CD99L2: variants seen among roughly 807,000 people sequenced by gnomAD.
CD99L2 encodes the protein CD99 antigen-like protein 2.
A neutral mutation model predicts 27.3 loss-of-function variants in CD99L2; 24 were observed. The ratio of observed to expected loss-of-function variants is 0.88; its 90% confidence interval spans 0.64 to 1.24. The LOEUF (loss-of-function observed/expected upper bound fraction) is 1.24. Among genes scored for constraint, CD99L2 ranks in the 50% most tolerant of loss-of-function variants. The probability of loss-of-function intolerance (pLI) is 0.00; values close to 1 mark genes in which losing one functional copy is unlikely to be tolerated. For synonymous variants in CD99L2, 97 were observed against 87.9 expected (o/e 1.10, Z -0.58); for missense variants, 255 against 221.6 (o/e 1.15, Z -0.96).
At chrX:150,867,438 T>G (rs1375857895) in intron 1 of CD99L2, among the ~76,000 whole-genome samples, 1 of 111,196 alleles carries the variant, frequency 9.0e-6, no homozygotes, top group Non-Finnish European at 1.9e-5. Context: ...TACATATTCA[T>G]GAGGCATATA....
At chrX:150,829,264 A>C (rs2124231010) in intron 2 of CD99L2, 1 of 246,931 alleles carries the variant, frequency 4.0e-6, no homozygotes, top group East Asian at 1.1e-4. Context: ...GGATCTCTGC[A>C]GATGTAATTA....
intron 1 of CD99L2, among the ~76,000 whole-genome samples, chrX:150,858,062 A>C (rs189893600): frequency 8.9e-6 from 1 of 112,602 alleles, no homozygotes; most frequent in Non-Finnish European, 1.9e-5. Flanking sequence ...AGGTAAACTT[A>C]TATCAGTTAA....
Position 150,802,786 on chromosome X carries a change from T to C in CD99L2, c.278-7300A>G, listed in dbSNP as rs781940872. On this transcript the variant is annotated intron_variant, in intron 4 of 10. Transcript: ENST00000370377. ...TTAGTAGAGACGGGGTTTCACCGTG[T>C]TAGCCAGGATGGTGTCGATCTCCTG... Among the ~76,000 whole-genome samples, 8 of 104,292 alleles carry C rather than the reference T, an allele frequency of 7.7e-5. No individual in the cohort carries two copies. In the East Asian group the frequency reaches 2.5e-3, roughly 32 times the overall value. 90.6% of individuals were successfully genotyped at this position (104,292 alleles called of 115,157 possible). A position where few individuals can be genotyped will look rare whatever the true frequency, so the allele number is the denominator to read the frequency against.
intron 7 of CD99L2, among the ~76,000 whole-genome samples, chrX:150,790,046 T>A (rs1243701625): frequency 9.0e-6 from 1 of 111,320 alleles, no homozygotes; most frequent in African/African-American, 3.3e-5. Context: ...TGAAAAAACA[T>A]GAAAAAACTT....
intron 7 of CD99L2, among the ~76,000 whole-genome samples, chrX:150,788,193 A>T (rs1171016164): frequency 9.0e-6 from 1 of 110,854 alleles, no homozygotes; most frequent in Non-Finnish European, 1.9e-5. Context: ...AAGCTAATCC[A>T]ACACGATCAA....
chrX:150,776,420 GGA>G, intron 8 of CD99L2, 127 bp from the exon 9 acceptor site: 1 of 771,308 alleles, frequency 1.3e-6, no homozygotes, highest in East Asian at 3.6e-5. Context: ...CAAGCCAGCA[GGA>G]GAGGGCCATG....
chrX:150,847,656 A>G (rs2046722620), intron 1 of CD99L2, among the ~76,000 whole-genome samples: 1 of 109,866 alleles, frequency 9.1e-6, no homozygotes, highest in African/African-American at 3.3e-5. Context: ...GCTCCCACTC[A>G]GAATCCACAA....
intron 8 of CD99L2, among the ~76,000 whole-genome samples, chrX:150,776,539 G>A (rs936548058): frequency 1.8e-5 from 2 of 111,869 alleles, no homozygotes; most frequent in Admixed American, 9.4e-5. Flanking sequence ...AGGGAGACAC[G>A]GAAATGGTGC....
At chrX:150,822,995 T>C (rs1394094022) in intron 2 of CD99L2, among the ~76,000 whole-genome samples, 1 of 111,345 alleles carries the variant, frequency 9.0e-6, no homozygotes, top group Non-Finnish European at 1.9e-5. Flanking sequence ...TCTCACAAGA[T>C]TGGATGGTTT....
intron 9 of CD99L2, 60 bp downstream of exon 9, chrX:150,776,114 C>T (rs1426430659): frequency 8.4e-7 from 1 of 1,187,234 alleles, no homozygotes; most frequent in East Asian, 3.0e-5. Flanking sequence ...TGTCCTGGCC[C>T]CTTTCCCTCC....
rs1235134048 is a variant in CD99L2, at chrX:150,809,383, C to T, written c.277+5479G>A. Among the ~76,000 whole-genome samples, 3 of 112,185 alleles carry T rather than the reference C, an allele frequency of 2.7e-5. No homozygotes were observed. The East Asian group carries it at 8.4e-4, about 31-fold the overall frequency. On this transcript the variant is annotated intron_variant, in intron 4 of 10. Transcript: ENST00000370377. ...AGGACCCAGCTACGTAGGACCCATA[C>T]TCCTGACCCAGGGAAATTATAAGAG...
chrX:150,826,636 A>G (rs782655430), intron 2 of CD99L2, among the ~76,000 whole-genome samples: 63 of 112,144 alleles, frequency 5.6e-4, no homozygotes, highest in Non-Finnish European at 1.1e-3. Flanking sequence ...TAAAGGATAC[A>G]ATGTTTCTTT....
chrX:150,886,299 C>T (rs895834096), intron 1 of CD99L2, among the ~76,000 whole-genome samples: 12 of 112,310 alleles, frequency 1.1e-4, no homozygotes, highest in South Asian at 3.7e-4. Context: ...GCTGCATATA[C>T]GATGGTGGTA....
chrX:150,884,801 CT>C (rs782175871), intron 1 of CD99L2, among the ~76,000 whole-genome samples: 1 of 112,303 alleles, frequency 8.9e-6, no homozygotes, highest in Non-Finnish European at 1.9e-5. Context: ...CCTAGAGAAA[CT>C]TTTGCACATC....
chrX:150,889,007 G>A (rs945821234), intron 1 of CD99L2, among the ~76,000 whole-genome samples: 11 of 112,725 alleles, frequency 9.8e-5, no homozygotes, highest in African/African-American at 3.5e-4. Flanking sequence ...AGCAATAGGC[G>A]ACAGCAACGG....
intron 1 of CD99L2, among the ~76,000 whole-genome samples, chrX:150,882,527 C>T (rs1209513179): frequency 9.1e-6 from 1 of 109,934 alleles, no homozygotes; most frequent in Non-Finnish European, 1.9e-5. Context: ...GAGTTCGAGA[C>T]CAGCCTGGCC....
rs782101322 is a variant in CD99L2 at position 150,858,969 on chromosome X, CAAG to C, written c.68-27679_68-27677del. On this transcript the variant is annotated intron_variant, in intron 1 of 10. Transcript: ENST00000370377. ...GGCTAACCAAAATAGCTAGGCTAAC[CAAG>C]AAGAAGAGAGAAGACCCAAGTAAAC... Among the ~76,000 whole-genome samples, 36 of 110,932 alleles carry C rather than the reference CAAG, an allele frequency of 3.2e-4. No homozygotes were observed. The South Asian group carries it at 3.4e-3, about 10-fold the overall frequency.
intron 2 of CD99L2, among the ~76,000 whole-genome samples, chrX:150,824,498 A>C (rs1335792432): frequency 3.4e-5 from 2 of 59,302 alleles, no homozygotes; most frequent in Non-Finnish European, 6.4e-5. Flanking sequence ...AAGAAGAAGA[A>C]AGAAGAAGAA....
chrX:150,831,110 C>T (rs2046438138), intron 2 of CD99L2, 121 bp downstream of exon 2: 1 of 597,729 alleles, frequency 1.7e-6, no homozygotes, highest in African/African-American at 2.3e-5. Context: ...TGTCCGGGCA[C>T]TATCCATATT....
Sources: gnomAD v4.1 joint callset for allele counts (sites outside exome capture counted in the v4.1 genomes callset) on GRCh38, gnomAD v4.1.1 for gene constraint, MANE v1.5 for transcripts, NCBI Gene and HGNC (gene_info 2026-07-23, HGNC 2026-07-21) for gene names.